GDAP2: variants seen among roughly 807,000 people sequenced by gnomAD.
GDAP2 encodes the protein ganglioside-induced differentiation-associated protein 2.
In GDAP2, 51 loss-of-function variants were observed where a neutral mutation model predicts 67.0. The ratio of observed to expected loss-of-function variants is 0.76; its 90% CI spans 0.61 to 0.96. GDAP2 has a LOEUF of 0.96. Ranked by LOEUF, GDAP2 falls within the 40% of genes least tolerant of loss-of-function variation. The probability of loss-of-function intolerance (pLI) is 0.00; values close to 1 mark genes in which losing one functional copy is unlikely to be tolerated. For missense variants in GDAP2, 547 were observed against 588.3 expected, an observed-to-expected ratio of 0.93 and a Z score of 0.73; for synonymous variants, 203 against 207.3, an observed-to-expected ratio of 0.98 and a Z score of 0.18.
At chr1:117,900,171 A>C (rs972528425) in intron 6 of GDAP2, among the ~76,000 whole-genome samples, 1 of 152,106 alleles carries the variant, frequency 6.6e-6, no homozygotes, top group African/African-American at 2.4e-5. Context: ...TTTTGAGATG[A>C]GGTGTTGCTA....
chr1:117,876,454 G>A (rs372455129), intron 13 of GDAP2, among the ~76,000 whole-genome samples: 1 of 152,090 alleles, frequency 6.6e-6, no homozygotes, highest in Admixed American at 6.6e-5. Flanking sequence ...TTAGCCTCAG[G>A]TATTCCCTTA....
At chr1:117,884,005 T>C (rs529041743) in intron 10 of GDAP2, among the ~76,000 whole-genome samples, 22 of 152,344 alleles carry the variant, frequency 1.4e-4, no homozygotes, top group African/African-American at 5.3e-4. Context: ...GTAGAATTTC[T>C]ATACTTTTAA....
At chr1:117,923,714 G>A (rs187817675) in intron 1 of GDAP2, among the ~76,000 whole-genome samples, 123 of 152,352 alleles carry the variant, frequency 8.1e-4, no homozygotes, top group Admixed American at 1.8e-3. Flanking sequence ...CAGGCACCCA[G>A]AAGTAGCTCC....
intron 13 of GDAP2, among the ~76,000 whole-genome samples, chr1:117,873,005 G>A (rs1424366532): frequency 6.6e-6 from 1 of 152,004 alleles, no homozygotes; most frequent in Non-Finnish European, 1.5e-5. Flanking sequence ...CTGTCTTTAG[G>A]AGTTCTCTAT....
Position 117,883,485 on chromosome 1 carries a change from A to G in GDAP2, c.1247+3T>C, listed in dbSNP as rs1393691198. 6.2e-7 allele frequency: 1 copy of G among 1,609,176 alleles called. No individual in the cohort carries two copies. Among genetic ancestry groups the G allele is most frequent in the South Asian group, 1.1e-5 (1 of 90,268 alleles). ...CCCTTCATAATTTGCAAAAATAACTAACTTGACATCAACAACATCGTAGAG... is the reference window on the plus strand; with the variant it reads ...CCCTTCATAATTTGCAAAAATAACTGACTTGACATCAACAACATCGTAGAG... On this transcript the variant is annotated splice_donor_region_variant and intron_variant, in intron 11 of 13. Coordinates refer to ENST00000369443, the MANE Select transcript of GDAP2 (RefSeq NM_017686.4).
chr1:117,893,381 TA>T (rs1351832404), intron 8 of GDAP2, among the ~76,000 whole-genome samples: 1 of 152,196 alleles, frequency 6.6e-6, no homozygotes, highest in East Asian at 1.9e-4. Flanking sequence ...AAAGCACGTC[TA>T]ATTTTTCATG....
chr1:117,871,477 C>T (rs1205396033), intron 13 of GDAP2, among the ~76,000 whole-genome samples: 1 of 152,136 alleles, frequency 6.6e-6, no homozygotes. Flanking sequence ...ATGCTTAGCA[C>T]TAGTATAAGA....
intron 5 of GDAP2, among the ~76,000 whole-genome samples, chr1:117,908,647 C>T (rs150359492): frequency 2.6e-4 from 40 of 151,816 alleles, no homozygotes; most frequent in African/African-American, 9.2e-4. Context: ...ATAGCGAGAC[C>T]CTGTGTTTAC....
chr1:117,899,093 G>T lies in GDAP2; in HGVS notation c.760C>A (p.Gln254Lys). Residue 254 changes from glutamine (Q) to lysine (K), a missense_variant, in exon 7 of 14, where the codon CAG becomes AAG. Physicochemically the swap from Gln to Lys is moderately conservative, Grantham distance 53. Coordinates refer to ENST00000369443, the MANE Select transcript of GDAP2 (RefSeq NM_017686.4). ...CCAGGTTTCTCACTTATTCTAATCT[G>T]TCGTTCAGGTACCACAGGCTCCCCT... ...AEGEPVVPER[Q>K]IRISEKPGAP... 1 of 1,613,362 alleles carries T rather than the reference G, an allele frequency of 6.2e-7. No individual in the cohort carries two copies. Among genetic ancestry groups the T allele is most frequent in the Non-Finnish European group, 8.5e-7 (1 of 1,179,350 alleles).
intron 3 of GDAP2, among the ~76,000 whole-genome samples, chr1:117,916,155 A>G (rs1323191577): frequency 6.6e-6 from 1 of 152,222 alleles, no homozygotes; most frequent in African/African-American, 2.4e-5. Flanking sequence ...ACAAGAGAGA[A>G]GTACTGCAGG....
chr1:117,886,698 G>A, intron 9 of GDAP2, 45 bp from the exon 10 acceptor site: 1 of 948,726 alleles, frequency 1.1e-6, no homozygotes, highest in Non-Finnish European at 1.7e-6. Context: ...TTCATTCCAA[G>A]AATACTATTT....
intron 10 of GDAP2, among the ~76,000 whole-genome samples, chr1:117,884,512 T>C (rs545423357): frequency 6.6e-6 from 1 of 152,254 alleles, no homozygotes; most frequent in African/African-American, 2.4e-5. Context: ...TGGACTAGGA[T>C]CCAACTGCTA....
intron 5 of GDAP2, among the ~76,000 whole-genome samples, chr1:117,908,167 T>C (rs1649724883): frequency 6.6e-6 from 1 of 152,078 alleles, no homozygotes; most frequent in South Asian, 2.1e-4. Context: ...CCCTTCTTTA[T>C]GCCCCTCCTA....
In GDAP2 at chr1:117,878,076, T is replaced by A. The variant is rs1557794375; in HGVS notation, c.1379A>T (p.Gln460Leu). Residue 460 changes from glutamine to leucine, a missense_variant, in exon 13 of 14, where the codon CAG becomes CTG. Coordinates refer to ENST00000369443, the MANE Select transcript of GDAP2 (RefSeq NM_017686.4). ...TTCTGGTGATATGGCAGAAAACAGCTGGTGGAGGCTGTCCACATGGTGGAT... is the reference window on the plus strand; with the variant it reads ...TTCTGGTGATATGGCAGAAAACAGCAGGTGGAGGCTGTCCACATGGTGGAT... The part of the protein sequence containing the change: ...DKIHHVDSLH[Q>L]LFSAISPEQI... 2 of 1,611,982 alleles carry A rather than the reference T, an allele frequency of 1.2e-6. No homozygotes were observed. Among genetic ancestry groups the A allele is most frequent in the Non-Finnish European group, 8.5e-7 (1 of 1,178,178 alleles).
At chr1:117,926,212 C>T (rs970202229) in intron 1 of GDAP2, among the ~76,000 whole-genome samples, 7 of 152,174 alleles carry the variant, frequency 4.6e-5, no homozygotes, top group South Asian at 2.1e-4. Context: ...TACAGCTATA[C>T]GAAAACTACT....
intron 3 of GDAP2, among the ~76,000 whole-genome samples, chr1:117,913,734 G>GT (rs1470361464): frequency 6.6e-6 from 1 of 152,054 alleles, no homozygotes; most frequent in Non-Finnish European, 1.5e-5. Context: ...GGCAATAACC[G>GT]TTGCCCACTG....
At chr1:117,890,498 A>T (rs1161482062) in intron 8 of GDAP2, among the ~76,000 whole-genome samples, 1 of 152,104 alleles carries the variant, frequency 6.6e-6, no homozygotes, top group Non-Finnish European at 1.5e-5. Flanking sequence ...AATGGAATAC[A>T]TCATCTTTAA....
rs1055550099 is a variant in GDAP2, at chr1:117,865,675, T to C, written c.*4894A>G. The C allele has an allele frequency of 3.9e-5, 6 of 152,224 alleles. No individual in the cohort carries two copies. Among genetic ancestry groups the C allele is most frequent in the Admixed American group, 2.0e-4 (3 of 15,282 alleles). 9.4% of individuals were successfully genotyped at this position (152,224 alleles called of 1,614,324 possible). On this transcript the variant is annotated 3_prime_UTR_variant, in exon 14 of 14. Coordinates refer to ENST00000369443, the MANE Select transcript of GDAP2 (RefSeq NM_017686.4). ...AAAAGTATCAGATCACATTCTGCAGTTGTGATTTTGTTAGTGTAATTCACC... is the reference window on the plus strand; with the variant it reads ...AAAAGTATCAGATCACATTCTGCAGCTGTGATTTTGTTAGTGTAATTCACC...
chr1:117,904,635 A>G (rs1316294000), intron 6 of GDAP2, among the ~76,000 whole-genome samples: 1 of 152,240 alleles, frequency 6.6e-6, no homozygotes, highest in Non-Finnish European at 1.5e-5. Flanking sequence ...GTCAGGTGTC[A>G]TGGTAAGTTG....
Sources: allele counts gnomAD v4.1 joint callset (sites outside exome capture counted in the v4.1 genomes callset), GRCh38; gene constraint gnomAD v4.1.1; transcripts MANE v1.5; gene names NCBI Gene and HGNC (gene_info 2026-07-23, HGNC 2026-07-21).